The following PACRG variants were observed in gnomAD, a reference collection of about 807,000 sequenced individuals.
PACRG encodes parkin coregulated, also known as parkin coregulated gene protein.
Under a neutral mutation model 29.7 loss-of-function variants are expected in PACRG, and 29 were observed. The ratio of observed to expected loss-of-function variants is 0.98; its 90% CI spans 0.73 to 1.33. The LOEUF is 1.33. Among genes scored for constraint, PACRG ranks in the 40% most tolerant of loss-of-function variants. PACRG has a pLI of 0.00. For missense variants in PACRG, 279 were observed against 316.2 expected, an observed-to-expected ratio of 0.88 and a Z score of 0.89; for synonymous variants, 116 against 118.7, an observed-to-expected ratio of 0.98 and a Z score of 0.15.
At chr6:163,312,793 C>T in intron 4 of PACRG, 2 of 437,302 alleles carry the variant, frequency 4.6e-6, no homozygotes, top group East Asian at 7.9e-5. Flanking sequence ...TTACTCTTTG[C>T]CCAGGCTGGA....
intron 1 of PACRG, among the ~76,000 whole-genome samples, chr6:162,797,592 A>G (rs771068182): frequency 7.2e-5 from 11 of 152,358 alleles, no homozygotes; most frequent in Admixed American, 2.0e-4. Context: ...TTTCTTCAGC[A>G]ATAAATAAGT....
intron 1 of PACRG, among the ~76,000 whole-genome samples, chr6:162,752,790 A>G (rs1194756872): frequency 3.9e-5 from 6 of 152,218 alleles, no homozygotes; most frequent in Admixed American, 1.3e-4. Flanking sequence ...ATATTAAAAT[A>G]CATAATAATA....
chr6:163,270,292 G>A (rs1318694730), intron 4 of PACRG, among the ~76,000 whole-genome samples: 1 of 152,174 alleles, frequency 6.6e-6, no homozygotes, highest in Non-Finnish European at 1.5e-5. Context: ...AAAATTATTA[G>A]GACCTGTCTC....
chr6:163,312,490 A>G (rs1212942619), intron 4 of PACRG, among the ~76,000 whole-genome samples: 1 of 151,334 alleles, frequency 6.6e-6, no homozygotes, highest in African/African-American at 2.4e-5. Flanking sequence ...AATCCAACTC[A>G]AAGTCCTTCG....
At chr6:162,943,354 C>T (rs1228446715) in intron 2 of PACRG, among the ~76,000 whole-genome samples, 3 of 152,166 alleles carry the variant, frequency 2.0e-5, no homozygotes, top group Non-Finnish European at 2.9e-5. Context: ...AAAGCACCAG[C>T]CCTTGGCAGC....
rs191105281 is a variant in PACRG, at chr6:162,848,740, C to G, written c.291+34459C>G. Among the ~76,000 whole-genome samples, 387 of 152,342 alleles carry G rather than the reference C, an allele frequency of 2.5e-3. 1 individual carries two copies. Among genetic ancestry groups the G allele is most frequent in the Non-Finnish European group, 4.3e-3 (293 of 68,040 alleles). On this transcript the variant is annotated intron_variant, in intron 2 of 4. Transcript: ENST00000366888. The stretch of plus-strand genomic sequence containing the variant: ...ATTTAAGGCTTATTTCATGTGAAAT[C>G]AATTGGATAATAATCACTTACTGAG...
intron 2 of PACRG, among the ~76,000 whole-genome samples, chr6:163,041,152 A>G (rs1267516116): frequency 6.6e-6 from 1 of 152,062 alleles, no homozygotes; most frequent in African/African-American, 2.4e-5. Context: ...CCCAGCTAAC[A>G]TGGTGAAACC....
chr6:163,068,308 A>T (rs515311), intron 3 of PACRG, among the ~76,000 whole-genome samples: 2 of 152,062 alleles, frequency 1.3e-5, no homozygotes, highest in Admixed American at 1.3e-4. Flanking sequence ...AACCCTTTTC[A>T]TTCAGAACAG....
At chr6:163,124,865 C>T (rs915997296) in intron 4 of PACRG, among the ~76,000 whole-genome samples, 6 of 152,132 alleles carry the variant, frequency 3.9e-5, no homozygotes, top group Non-Finnish European at 8.8e-5. Flanking sequence ...AAAATAATCC[C>T]CTATATATAG....
chr6:163,187,480 T>G (rs547616960), intron 4 of PACRG, among the ~76,000 whole-genome samples: 1 of 152,114 alleles, frequency 6.6e-6, no homozygotes, highest in Non-Finnish European at 1.5e-5. Context: ...CCTCCATGAA[T>G]GTATCTGCTT....
At chr6:163,239,960 A>C (rs1283380359) in intron 4 of PACRG, among the ~76,000 whole-genome samples, 2 of 129,112 alleles carry the variant, frequency 1.5e-5, no homozygotes, top group South Asian at 2.5e-4. Context: ...CCACACACTC[A>C]CACTCCCATC....
chr6:162,816,352 TTTTA>T (rs1333881918), intron 2 of PACRG, among the ~76,000 whole-genome samples: 1 of 152,120 alleles, frequency 6.6e-6, no homozygotes, highest in Non-Finnish European at 1.5e-5. Context: ...TTATTTTTTA[TTTTA>T]TTTATTTATT....
At chr6:163,184,954 A>G (rs569080344) in intron 4 of PACRG, 1 of 152,322 alleles carries the variant, frequency 6.6e-6, no homozygotes, top group Middle Eastern at 3.4e-3. Context: ...AGCAGTAGAA[A>G]TTAGGCCAGA....
chr6:163,241,299 A>T (rs1487501128), intron 4 of PACRG, among the ~76,000 whole-genome samples: 1 of 152,162 alleles, frequency 6.6e-6, no homozygotes. Context: ...TTTTCAACAA[A>T]ATCTCATTTT....
intron 1 of PACRG, among the ~76,000 whole-genome samples, chr6:162,789,552 CA>C (rs1019462922): frequency 6.6e-6 from 1 of 152,102 alleles, no homozygotes; most frequent in African/African-American, 2.4e-5. Context: ...TTTTTCTTTA[CA>C]GAGATGAAAA....
chr6:162,908,809 C>T (rs534834160), intron 2 of PACRG, among the ~76,000 whole-genome samples: 2 of 152,146 alleles, frequency 1.3e-5, no homozygotes, highest in African/African-American at 4.8e-5. Flanking sequence ...ATCAGCCTGA[C>T]TTAACAATAT....
chr6:163,061,482 G>T (rs1451761851), intron 2 of PACRG, among the ~76,000 whole-genome samples: 1 of 152,208 alleles, frequency 6.6e-6, no homozygotes, highest in East Asian at 1.9e-4. Context: ...GTGGGAAAGA[G>T]ATTTGTCTCC....
intron 1 of PACRG, among the ~76,000 whole-genome samples, chr6:162,795,052 A>T (rs1199850198): frequency 6.6e-6 from 1 of 152,076 alleles, no homozygotes; most frequent in East Asian, 1.9e-4. Context: ...TAAGAAAGGG[A>T]GACCGAGACA....
intron 2 of PACRG, among the ~76,000 whole-genome samples, chr6:162,948,279 C>T (rs1562768395): frequency 1.3e-5 from 2 of 151,974 alleles, no homozygotes; most frequent in African/African-American, 4.8e-5. Flanking sequence ...TAGGTGCCAA[C>T]AACATACATA....
Sources: allele counts gnomAD v4.1 joint callset (sites outside exome capture counted in the v4.1 genomes callset), GRCh38; gene constraint gnomAD v4.1.1; transcripts MANE v1.5; gene names NCBI Gene and HGNC (gene_info 2026-07-23, HGNC 2026-07-21).